The following NOTCH1 variants were observed in gnomAD, a reference collection of about 807,000 sequenced individuals.
NOTCH1 encodes the protein notch receptor 1, also known as neurogenic locus notch homolog protein 1.
Under a neutral mutation model 254.8 loss-of-function variants are expected in NOTCH1, and 37 were observed. The observed-to-expected ratio is 0.15, with a 90% CI of 0.11 to 0.19. NOTCH1 has a LOEUF of 0.19. NOTCH1 is among the 10% of genes least tolerant of loss of function. The pLI is 1.00. For synonymous variants in NOTCH1, 1,731 were observed against 1,618.1 expected, an observed-to-expected ratio of 1.07 and a Z score of -1.68; for missense variants, 2,972 against 3,708.6, an observed-to-expected ratio of 0.80 and a Z score of 5.16.
chr9:136,535,010 T>C (rs985293818), intron 2 of NOTCH1, among the ~76,000 whole-genome samples: 24 of 40,850 alleles, frequency 5.9e-4, no homozygotes, highest in Admixed American at 7.3e-4. Context: ...CCCCAGTCCC[T>C]CCCCACAGAG....
At chr9:136,514,463 C>T (rs2133360150) in intron 13 of NOTCH1, 47 bp downstream of exon 13, 2 of 1,537,122 alleles carry the variant, frequency 1.3e-6, no homozygotes, top group Admixed American at 2.0e-5. Context: ...AGCAGAGCTC[C>T]CAGGGTTTAG....
chr9:136,503,951 G>A (rs1260259355), intron 26 of NOTCH1, among the ~76,000 whole-genome samples: 3 of 152,340 alleles, frequency 2.0e-5, no homozygotes, highest in South Asian at 2.1e-4. Context: ...ATGGGCGGGA[G>A]CCTTGTGGGG....
In NOTCH1 at chr9:136,496,965, C is replaced by T; in HGVS notation, c.6774G>A (p.Leu2258=). 1 of 1,610,772 alleles carries T rather than the reference C, an allele frequency of 6.2e-7. No homozygotes were observed. Among genetic ancestry groups the T allele is most frequent in the Non-Finnish European group, 8.5e-7 (1 of 1,179,240 alleles). ...NVAAKPEMAA[L]GGGGRLAFET... Reference sequence around the variant, plus strand: ...CAAAGGCCAGCCGGCCGCCCCCACCCAGCGCCGCCATCTCGGGCTTGGCCG... The same window carrying T: ...CAAAGGCCAGCCGGCCGCCCCCACCTAGCGCCGCCATCTCGGGCTTGGCCG... Residue 2258 remains leucine (L), a synonymous_variant, in exon 34 of 34, where the codon CTG becomes CTA. Transcript: ENST00000651671.
At chr9:136,517,626 A>T in intron 8 of NOTCH1, 126 bp downstream of exon 8, 1 of 1,221,724 alleles carries the variant, frequency 8.2e-7, no homozygotes, top group Non-Finnish European at 1.2e-6. Flanking sequence ...TGCCCTGTGC[A>T]GGCTGTGGGC....
intron 31 of NOTCH1, among the ~76,000 whole-genome samples, chr9:136,499,929 A>T (rs1446741535): frequency 6.6e-6 from 1 of 152,226 alleles, no homozygotes; most frequent in Non-Finnish European, 1.5e-5. Context: ...AGAAATCAGG[A>T]AATGAGAAGC....
At chr9:136,514,437 G>C (rs1843229773) in intron 13 of NOTCH1, 73 bp downstream of exon 13, 1 of 1,479,828 alleles carries the variant, frequency 6.8e-7, no homozygotes, top group Non-Finnish European at 9.1e-7. Flanking sequence ...CTCTGTGCAG[G>C]TGCCACCCTC....
Position 136,517,942 on chromosome 9 carries a change from C to T in NOTCH1, c.1256-5G>A, listed in dbSNP as rs773981257. The T allele has an allele frequency of 5.0e-6, 8 of 1,608,302 alleles. No individual in the cohort carries two copies. The highest frequency in any genetic ancestry group is 4.0e-5 in the African/African-American group (3 of 74,882). On this transcript the variant is annotated splice_polypyrimidine_tract_variant and splice_region_variant and intron_variant, in intron 7 of 33. Transcript: ENST00000651671. The stretch of plus-strand genomic sequence containing the variant: ...CATGCTCGCAGGGGTTGGCACCTGG[C>T]GAGGGCACACGGGTGAGAGGCTGCT...
At chr9:136,514,035 T>C (rs977605648) in intron 13 of NOTCH1, among the ~76,000 whole-genome samples, 4 of 152,126 alleles carry the variant, frequency 2.6e-5, no homozygotes, top group Non-Finnish European at 4.4e-5. Context: ...TTTGGTTCAT[T>C]AGCGAGGGGA....
rs753986969 is a variant in NOTCH1 at position 136,499,068 on chromosome 9, C to T, written c.6082+44G>A. On this transcript the variant is annotated intron_variant, in intron 32 of 33. Transcript: ENST00000651671. The stretch of plus-strand genomic sequence containing the variant: ...AACCCAGTCCCACCCGTCCCTGTGG[C>T]GGTCCCGCCCCACGACAGAGCAGCC... 41 of 1,612,446 alleles carry T rather than the reference C, an allele frequency of 2.5e-5. No homozygotes were observed. In the Middle Eastern group the frequency reaches 4.9e-4, roughly 19 times the overall value.
chr9:136,504,854 GGCCGTGTGC>G lies in NOTCH1; in HGVS notation c.4828_4836del (p.Ala1610_Gly1612del). On this transcript the variant is annotated inframe_deletion, in exon 26 of 34. Transcript: ENST00000651671. ...CCGTAGTAGGGGAAGATCATCTGCT[GGCCGTGTGC>G]GTCACGCTTGAAGACCACGTTGGTG... is the stretch of plus-strand genomic sequence containing the variant. 1 of 1,581,716 alleles carries G rather than the reference GGCCGTGTGC, an allele frequency of 6.3e-7. No individual in the cohort carries two copies. Among genetic ancestry groups the G allele is most frequent in the Non-Finnish European group, 8.6e-7 (1 of 1,164,386 alleles).
chr9:136,525,070 G>T (rs947878505), intron 2 of NOTCH1, among the ~76,000 whole-genome samples: 3 of 152,184 alleles, frequency 2.0e-5, no homozygotes, highest in African/African-American at 7.2e-5. Flanking sequence ...TTCCCTTTCG[G>T]CATTGAGTCT....
Position 136,534,343 on chromosome 9 carries a change from T to C in NOTCH1, c.140+9681A>G, listed in dbSNP as rs183841023. Among the ~76,000 whole-genome samples the C allele has an allele frequency of 1.4e-4, 21 of 152,296 alleles. No homozygotes were observed. The East Asian group carries it at 3.9e-3, about 28-fold the overall frequency. Reference sequence around the variant, plus strand: ...ACAACCAATTCAAGCCCTTCAGAGATGCACAATGGACTCCGAGGCCAGGGG... The same window carrying C: ...ACAACCAATTCAAGCCCTTCAGAGACGCACAATGGACTCCGAGGCCAGGGG... On this transcript the variant is annotated intron_variant, in intron 2 of 33. Coordinates refer to ENST00000651671, the MANE Select transcript of NOTCH1 (RefSeq NM_017617.5).
In NOTCH1 at chr9:136,514,589, C is replaced by T. The variant is rs950236535; in HGVS notation, c.2128G>A (p.Asp710Asn). Residue 710 changes from aspartate (D) to asparagine (N), a missense_variant, in exon 13 of 34, where the codon GAC becomes AAC. Transcript: ENST00000651671. The part of the protein sequence containing the change: ...FTCRCPEGYH[D>N]PTCLSEVNEC... ...TTGACCTCAGACAGGCAGGTGGGGTCGTGGTAGCCCTCGGGGCAGCGGCAG... is the reference window on the plus strand; with the variant it reads ...TTGACCTCAGACAGGCAGGTGGGGTTGTGGTAGCCCTCGGGGCAGCGGCAG... 38 of 1,607,872 alleles carry T rather than the reference C, an allele frequency of 2.4e-5. No homozygotes were observed. The highest frequency in any genetic ancestry group is 2.8e-5 in the Non-Finnish European group (33 of 1,178,280).
intron 2 of NOTCH1, chr9:136,543,120 T>G (rs1843756241): frequency 6.4e-6 from 1 of 157,172 alleles, no homozygotes; most frequent in Non-Finnish European, 1.4e-5. Context: ...TTCCACCTTC[T>G]CTTCCCCAGC....
In NOTCH1 at chr9:136,523,092, G is replaced by A. The variant is rs370951369; in HGVS notation, c.500C>T (p.Pro167Leu). The A allele has an allele frequency of 2.9e-5, 46 of 1,598,550 alleles. No individual in the cohort carries two copies. Among genetic ancestry groups the A allele is most frequent in the Non-Finnish European group, 3.7e-5 (43 of 1,173,520 alleles). Residue 167 changes from proline to leucine, a missense_variant, in exon 4 of 34, where the codon CCA (proline) becomes CTA (leucine). Around this residue, in one of 8 missense-constraint regions of NOTCH1, gnomAD observed 374 missense variants for 496.3 expected, o/e 0.75. Transcript: ENST00000651671. ...GCAGGTGGGGCCATGGAAGCTGGGT[G>A]GGCAGTGGCAGATGTAGGAGGCCTC... ...PFEASYICHCPPSFHGPTCRQ... is the reference protein window; with the variant it reads ...PFEASYICHCLPSFHGPTCRQ...
At position 136,504,814 on chromosome 9, in the gene NOTCH1, A is replaced by T. The variant is rs2133336289; in HGVS notation, c.4877T>A (p.Leu1626Gln). ...GGCACGCTTGATGGGGTGCTTGCGC[A>T]GCTCCTCCTCGCGGCCGTAGTAGGG... ...IFPYYGREEE[L>Q]RKHPIKRAAE... Residue 1626 changes from leucine (L) to glutamine (Q), a missense_variant, in exon 26 of 34, where the codon CTG (leucine) becomes CAG (glutamine). Transcript: ENST00000651671. 1 of 1,566,830 alleles carries T rather than the reference A, an allele frequency of 6.4e-7. No homozygotes were observed. The highest frequency in any genetic ancestry group is 8.6e-7 in the Non-Finnish European group (1 of 1,156,214).
intron 11 of NOTCH1, 22 bp downstream of exon 11, chr9:136,515,461 G>A (rs768853506): frequency 2.0e-5 from 33 of 1,611,492 alleles, no homozygotes; most frequent in South Asian, 9.9e-5. Flanking sequence ...GCCCCCCGCC[G>A]GCCACCCGCC....
intron 17 of NOTCH1, among the ~76,000 whole-genome samples, 192 bp from the exon 18 acceptor site, chr9:136,510,153 T>C (rs1011241276): frequency 1.3e-5 from 2 of 152,200 alleles, no homozygotes; most frequent in Admixed American, 1.3e-4. Context: ...TCTCCTGTGC[T>C]TGGGGTCTCT....
At chr9:136,509,103 G>A (rs576305860) in intron 18 of NOTCH1, 32 bp from the exon 19 acceptor site, 8 of 1,535,298 alleles carry the variant, frequency 5.2e-6, no homozygotes, top group African/African-American at 2.7e-5. Context: ...GGGGCTGAGT[G>A]GAGGGCATTG....
Sources: gnomAD v4.1 joint callset for allele counts (sites outside exome capture counted in the v4.1 genomes callset) on GRCh38, gnomAD v4.1.1 for gene constraint, gnomAD v4.1.1 regional missense constraint, MANE v1.5 for transcripts, NCBI Gene and HGNC (gene_info 2026-07-23, HGNC 2026-07-21) for gene names.